ACADL: variants seen among roughly 807,000 people sequenced by gnomAD.
ACADL encodes acyl-CoA dehydrogenase long chain.
A neutral mutation model predicts 56.9 loss-of-function variants in ACADL; 60 were observed. The observed-to-expected ratio is 1.05, with a 90% CI of 0.86 to 1.31. The LOEUF (loss-of-function observed/expected upper bound fraction) is 1.31, where lower values mean the gene tolerates loss of function less well. Among genes scored for constraint, ACADL ranks in the 50% most tolerant of loss-of-function variants. ACADL has a pLI of 0.00. For missense variants in ACADL, 484 were observed against 525.5 expected (o/e 0.92, Z 0.77); for synonymous variants, 158 against 179.7 (o/e 0.88, Z 0.97).
At chr2:210,224,378 A>C in intron 1 of ACADL, 2 of 985,258 alleles carry the variant, frequency 2.0e-6, no homozygotes, top group Non-Finnish European at 2.4e-6. Flanking sequence ...ATAGCTCTCA[A>C]ATAAAATTAG....
chr2:210,221,535 T>C (rs1213835546), intron 1 of ACADL, among the ~76,000 whole-genome samples: 1 of 152,224 alleles, frequency 6.6e-6, no homozygotes, highest in Non-Finnish European at 1.5e-5. Flanking sequence ...AAACTTATCA[T>C]ATATTCAAAT....
intron 4 of ACADL, 58 bp downstream of exon 4, chr2:210,216,289 T>C: frequency 6.3e-7 from 1 of 1,587,128 alleles, no homozygotes; most frequent in Admixed American, 1.7e-5. Flanking sequence ...AACCAAGTAC[T>C]AAGAAAATGT....
rs774528078 is a variant in ACADL at position 210,203,283 on chromosome 2, AT to A, written c.984+47del. 3 of 1,302,938 alleles carry A rather than the reference AT, an allele frequency of 2.3e-6. No homozygotes were observed. In the South Asian group the frequency reaches 3.6e-5, roughly 16 times the overall value. 80.7% of individuals were successfully genotyped at this position (1,302,938 alleles called of 1,614,324 possible). A position where few individuals can be genotyped will look rare whatever the true frequency, so the allele number is the denominator to read the frequency against. ...TTCTATTTACCCCAGGCCATTTCAG[AT>A]TAGTAAACTGATACCATCTAATACT... On this transcript the variant is annotated intron_variant, in intron 8 of 10. Coordinates refer to ENST00000233710, the MANE Select transcript of ACADL (RefSeq NM_001608.4).
At chr2:210,208,766 G>A (rs1688932696) in intron 5 of ACADL, among the ~76,000 whole-genome samples, 1 of 152,010 alleles carries the variant, frequency 6.6e-6, no homozygotes, top group African/African-American at 2.4e-5. Flanking sequence ...ATTATTTCCT[G>A]TACTGTTAAA....
intron 1 of ACADL, among the ~76,000 whole-genome samples, chr2:210,223,998 C>T (rs1370068221): frequency 6.6e-6 from 1 of 151,874 alleles, no homozygotes; most frequent in Non-Finnish European, 1.5e-5. Context: ...GAGACCGAGG[C>T]GGGCAGATCA....
chr2:210,200,068 A>G (rs565105474), intron 8 of ACADL, among the ~76,000 whole-genome samples: 1 of 152,204 alleles, frequency 6.6e-6, no homozygotes, highest in Admixed American at 6.5e-5. Context: ...TTTAGTAAAC[A>G]TTTTTGATGT....
chr2:210,190,287 C>A (rs749312751), intron 10 of ACADL, among the ~76,000 whole-genome samples: 1 of 152,092 alleles, frequency 6.6e-6, no homozygotes, highest in Non-Finnish European at 1.5e-5. Flanking sequence ...TGTTTTCAAA[C>A]ATTTTTTTCT....
At chr2:210,191,065 C>A (rs1380030177) in intron 10 of ACADL, among the ~76,000 whole-genome samples, 2 of 151,986 alleles carry the variant, frequency 1.3e-5, no homozygotes, top group African/African-American at 4.8e-5. Context: ...CACCTGCAAC[C>A]ACGCCTAGCT....
At chr2:210,199,931 G>T (rs1197924111) in intron 8 of ACADL, among the ~76,000 whole-genome samples, 1 of 152,108 alleles carries the variant, frequency 6.6e-6, no homozygotes, top group Non-Finnish European at 1.5e-5. Context: ...TTTTTGTAGA[G>T]ATGAGGTTTT....
intron 7 of ACADL, among the ~76,000 whole-genome samples, chr2:210,203,970 G>A (rs1688842771): frequency 6.6e-6 from 1 of 152,042 alleles, no homozygotes; most frequent in Non-Finnish European, 1.5e-5. Context: ...ATATATCTGT[G>A]GAAATAAACA....
intron 10 of ACADL, among the ~76,000 whole-genome samples, chr2:210,190,200 T>A (rs1177867606): frequency 6.6e-6 from 1 of 152,194 alleles, no homozygotes. Context: ...TATTTACTGA[T>A]ATGATTTACG....
intron 4 of ACADL, 43 bp from the exon 5 acceptor site, chr2:210,210,305 A>G (rs1392602824): frequency 7.1e-7 from 1 of 1,405,512 alleles, no homozygotes; most frequent in Admixed American, 1.7e-5. Context: ...AAATGATAAA[A>G]ATTAAATTAT....
chr2:210,225,177 T>C lies in ACADL; in HGVS notation c.77+10A>G. 1 of 1,530,520 alleles carries C rather than the reference T, an allele frequency of 6.5e-7. No homozygotes were observed. The highest frequency in any genetic ancestry group is 8.7e-7 in the Non-Finnish European group (1 of 1,144,384). 94.8% of individuals were successfully genotyped at this position (1,530,520 alleles called of 1,614,324 possible). A position where few individuals can be genotyped will look rare whatever the true frequency, so the allele number is the denominator to read the frequency against. ...GGCCTGCAGCCGCGGAAGTCCCGGCTGGCACTCACCGCGCGGCGGGCAGCT... is the reference window on the plus strand; with the variant it reads ...GGCCTGCAGCCGCGGAAGTCCCGGCCGGCACTCACCGCGCGGCGGGCAGCT... On this transcript the variant is annotated intron_variant, in intron 1 of 10. Transcript: ENST00000233710.
At chr2:210,214,467 A>AAAAGAAAGAAAGAAATAAAG (rs1689040779) in intron 4 of ACADL, among the ~76,000 whole-genome samples, 1 of 122,336 alleles carries the variant, frequency 8.2e-6, no homozygotes, top group African/African-American at 3.1e-5. Context: ...GACCTTCCAA[A>AAAAGAAAGAAAGAAATAAAG]AAAGAAAGAA....
In ACADL at chr2:210,225,206, G is replaced by A. The variant is rs1241757532; in HGVS notation, c.58C>T (p.Arg20Cys). 6.5e-7 allele frequency: 1 copy of A among 1,540,066 alleles called. No individual in the cohort carries two copies. The highest frequency in any genetic ancestry group is 2.5e-5 in the East Asian group (1 of 40,756). The change falls in exon 1 of 11, where the codon CGC becomes TGC. Residue 20 changes from arginine to cysteine, a missense_variant. Arg to Cys is a radical substitution (Grantham distance 180). Transcript: ENST00000233710. ...ACTCACCGCGCGGCGGGCAGCTGGC[G>A]CGGCGCACGGTGGCCGCCCAGGACG... ...LRVLGGHRAPRQLPAARCSHS... is the reference protein window; with the variant it reads ...LRVLGGHRAPCQLPAARCSHS...
chr2:210,202,209 C>T (rs1179412906), intron 8 of ACADL, among the ~76,000 whole-genome samples: 1 of 152,148 alleles, frequency 6.6e-6, no homozygotes, highest in Non-Finnish European at 1.5e-5. Flanking sequence ...TCTCCTGCCT[C>T]AGCCTCCCGA....
At chr2:210,218,851 T>C (rs1357892804) in intron 2 of ACADL, among the ~76,000 whole-genome samples, 1 of 152,114 alleles carries the variant, frequency 6.6e-6, no homozygotes, top group African/African-American at 2.4e-5. Flanking sequence ...ACAGTTTAAA[T>C]AGGAAGAACA....
Position 210,192,870 on chromosome 2 carries a change from C to A in ACADL, c.1133G>T (p.Ser378Ile). 4 of 1,613,820 alleles carry A rather than the reference C, an allele frequency of 2.5e-6. No homozygotes were observed. The highest frequency in any genetic ancestry group is 3.4e-6 in the Non-Finnish European group (4 of 1,179,842). The change falls in exon 10 of 11, where the codon AGT becomes ATT. Residue 378 changes from serine to isoleucine, a missense_variant. Ser to Ile is a moderately radical substitution (Grantham distance 142). Coordinates refer to ENST00000233710, the MANE Select transcript of ACADL (RefSeq NM_001608.4). Reference sequence around the variant, plus strand: ...GAGCTGTACACAGTCGTAAGCTACACTATTTTGTAACTCAGATGCCCTAAA... The same window carrying A: ...GAGCTGTACACAGTCGTAAGCTACAATATTTTGTAACTCAGATGCCCTAAA... ...AKYWASELQN[S>I]VAYDCVQLHG... is the part of the protein sequence containing the mutation.
Position 210,189,019 on chromosome 2 carries a change from C to T in ACADL, c.1235G>A (p.Gly412Asp). The change falls in exon 11 of 11, where the codon GGT becomes GAT. Residue 412 changes from glycine to aspartate, a missense_variant. Physicochemically the swap from Gly to Asp is moderately conservative, Grantham distance 94. Coordinates refer to ENST00000233710, the MANE Select transcript of ACADL (RefSeq NM_001608.4). Reference sequence around the variant, plus strand: ...CTCCTTCATTATTTCATTTGTACCACCATAGATTGGCTGAACTCTGGCATC... The same window carrying T: ...CTCCTTCATTATTTCATTTGTACCATCATAGATTGGCTGAACTCTGGCATC... The part of the protein sequence containing the change: ...YVDARVQPIY[G>D]GTNEIMKELI... 1 of 1,613,388 alleles carries T rather than the reference C, an allele frequency of 6.2e-7. No individual in the cohort carries two copies. The highest frequency in any genetic ancestry group is 8.5e-7 in the Non-Finnish European group (1 of 1,179,556).
Sources: gnomAD v4.1 joint callset for allele counts (sites outside exome capture counted in the v4.1 genomes callset) on GRCh38, gnomAD v4.1.1 for gene constraint, MANE v1.5 for transcripts, NCBI Gene and HGNC (gene_info 2026-07-23, HGNC 2026-07-21) for gene names.